The following CIMIP1 variants were observed in gnomAD, a reference collection of about 807,000 sequenced individuals.
The protein encoded by CIMIP1 is ciliary microtubule inner protein 1.
the CIMIP1 span, among the ~76,000 whole-genome samples, chr20:58,159,745 C>G: frequency 6.6e-6 from 1 of 152,186 alleles, no homozygotes; most frequent in Non-Finnish European, 1.5e-5. Flanking sequence ...CCCTTCTGAA[C>G]AATTTTACTT....
the CIMIP1 span, among the ~76,000 whole-genome samples, chr20:58,158,425 C>T: frequency 3.3e-4 from 51 of 152,302 alleles, no homozygotes; most frequent in African/African-American, 1.2e-3. Flanking sequence ...CCGAGACAGG[C>T]GGATCACGAG....
the CIMIP1 span, among the ~76,000 whole-genome samples, chr20:58,159,889 A>G: frequency 6.6e-6 from 1 of 152,364 alleles, no homozygotes; most frequent in Middle Eastern, 3.4e-3. Flanking sequence ...AGCAGCAGCC[A>G]GCCCACTCGG....
the CIMIP1 span, among the ~76,000 whole-genome samples, chr20:58,159,909 C>G: frequency 2.0e-5 from 3 of 152,230 alleles, no homozygotes; most frequent in African/African-American, 7.2e-5. Flanking sequence ...GGACCATCCC[C>G]TCCTGCCACC....
the CIMIP1 span, among the ~76,000 whole-genome samples, chr20:58,151,990 T>C: frequency 3.3e-5 from 5 of 152,224 alleles, no homozygotes; most frequent in East Asian, 5.8e-4. Flanking sequence ...TAAAACATAC[T>C]TGTTTACCTT....
At chr20:58,160,698 G>A in the CIMIP1 span, 1 of 1,614,056 alleles carries the variant, frequency 6.2e-7, no homozygotes, top group South Asian at 1.1e-5. Context: ...ACCACCCAGG[G>A]CTTCATCGGC....
At chr20:58,160,636 T>C in the CIMIP1 span, 20 of 1,605,682 alleles carry the variant, frequency 1.2e-5, no homozygotes, top group Non-Finnish European at 1.7e-5. Flanking sequence ...CGAAGGTCAC[T>C]AAATCCCCTG....
the CIMIP1 span, chr20:58,153,576 G>T: frequency 1.9e-6 from 3 of 1,613,996 alleles, no homozygotes; most frequent in South Asian, 3.3e-5. Context: ...TCGGAAGCAC[G>T]GCAGAACTGG....
the CIMIP1 span, among the ~76,000 whole-genome samples, chr20:58,156,561 T>C: frequency 6.6e-6 from 1 of 152,068 alleles, no homozygotes; most frequent in African/African-American, 2.4e-5. Flanking sequence ...TGGAGGGTTG[T>C]AAGCAGGGCC....
chr20:58,151,483 G>A, the CIMIP1 span, among the ~76,000 whole-genome samples: 1 of 151,832 alleles, frequency 6.6e-6, no homozygotes, highest in Non-Finnish European at 1.5e-5. Flanking sequence ...GCGCGATCTC[G>A]GCTCACTGCA....
At chr20:58,151,099 TCA>T in the CIMIP1 span, 537 of 1,429,034 alleles carry the variant, frequency 3.8e-4, 2 homozygotes, top group East Asian at 0.013. Flanking sequence ...ATCTGGGGTC[TCA>T]GTTTCCCCAC....
chr20:58,157,745 G>A, the CIMIP1 span, among the ~76,000 whole-genome samples: 75,193 of 152,068 alleles, frequency 0.49, 20,027 homozygotes, highest in East Asian at 0.96. Flanking sequence ...CTCTGAGTCC[G>A]TAATTTTCTT....
the CIMIP1 span, chr20:58,160,640 T>C: frequency 1.9e-6 from 3 of 1,606,498 alleles, no homozygotes; most frequent in Non-Finnish European, 2.6e-6. Flanking sequence ...GGTCACTAAA[T>C]CCCCTGTATT....
chr20:58,160,515 G>T, the CIMIP1 span: 2 of 722,392 alleles, frequency 2.8e-6, no homozygotes, highest in Admixed American at 6.7e-5. Flanking sequence ...TCTGAGTCCA[G>T]CTGATTGGAA....
At chr20:58,158,532 C>T in the CIMIP1 span, among the ~76,000 whole-genome samples, 1 of 152,060 alleles carries the variant, frequency 6.6e-6, no homozygotes, top group Admixed American at 6.5e-5. Context: ...TGCCTGTAGT[C>T]CCAGCTACTC....
chr20:58,151,181 C>T, the CIMIP1 span: 1 of 713,858 alleles, frequency 1.4e-6, no homozygotes, highest in Admixed American at 2.6e-5. Context: ...GGTCAGGGGC[C>T]TTGAGGAAAG....
chr20:58,152,300 G>A, the CIMIP1 span, among the ~76,000 whole-genome samples: 1 of 151,950 alleles, frequency 6.6e-6, no homozygotes, highest in Admixed American at 6.6e-5. Context: ...CATCCTTCAA[G>A]ACCCAAATCT....
the CIMIP1 span, among the ~76,000 whole-genome samples, chr20:58,156,867 C>T: frequency 6.6e-6 from 1 of 151,814 alleles, no homozygotes; most frequent in African/African-American, 2.4e-5. Context: ...AGATGAAGGC[C>T]GCAGGGCAGG....
At chr20:58,152,427 TAA>T in the CIMIP1 span, among the ~76,000 whole-genome samples, 14 of 147,890 alleles carry the variant, frequency 9.5e-5, no homozygotes, top group African/African-American at 3.2e-4. Context: ...ATGATTTATT[TAA>T]AAAAAAAAAA....
the CIMIP1 span, among the ~76,000 whole-genome samples, chr20:58,151,776 G>GA: frequency 6.6e-6 from 1 of 152,136 alleles, no homozygotes. Context: ...TGAAGTACAT[G>GA]AAAATCCCTT....
Sources: allele counts gnomAD v4.1 joint callset (sites outside exome capture counted in the v4.1 genomes callset), GRCh38; gene constraint gnomAD v4.1.1; transcripts MANE v1.5; gene names NCBI Gene and HGNC (gene_info 2026-07-23, HGNC 2026-07-21).